CSMD1: variants seen among roughly 807,000 people sequenced by gnomAD.
CSMD1 encodes the protein CUB and sushi domain-containing protein 1.
Under a neutral mutation model 417.5 loss-of-function variants are expected in CSMD1, and 213 were observed. The ratio of observed to expected loss-of-function variants is 0.51; its 90% CI spans 0.46 to 0.57. The LOEUF (loss-of-function observed/expected upper bound fraction) is 0.57. Ranked by LOEUF, CSMD1 falls within the 20% of genes least tolerant of loss-of-function variation. The pLI is 0.00. For missense variants in CSMD1, 6,923 were observed against 4,529.7 expected (o/e 1.53, Z -15.17); for synonymous variants, 2,862 against 1,736.8 (o/e 1.65, Z -16.11).
At chr8:4,614,522 A>G (rs1486509424) in intron 2 of CSMD1, among the ~76,000 whole-genome samples, 1 of 152,200 alleles carries the variant, frequency 6.6e-6, no homozygotes, top group African/African-American at 2.4e-5. Context: ...ACTAATAAGA[A>G]TTATGTAACA....
intron 1 of CSMD1, among the ~76,000 whole-genome samples, chr8:4,915,335 G>T (rs1228953738): frequency 6.6e-6 from 1 of 152,072 alleles, no homozygotes; most frequent in Non-Finnish European, 1.5e-5. Context: ...ATGGTAAAAA[G>T]CTAACTCTTG....
intron 1 of CSMD1, among the ~76,000 whole-genome samples, chr8:4,949,780 G>A (rs1335702763): frequency 2.0e-5 from 3 of 152,246 alleles, no homozygotes; most frequent in East Asian, 1.9e-4. Context: ...AGTTTCTGTG[G>A]CATTTCCTAA....
At chr8:3,292,233 T>C (rs1434949525) in intron 25 of CSMD1, among the ~76,000 whole-genome samples, 1 of 152,124 alleles carries the variant, frequency 6.6e-6, no homozygotes, top group African/African-American at 2.4e-5. Flanking sequence ...TGCTGAGGAG[T>C]GCTTTACTTC....
intron 10 of CSMD1, among the ~76,000 whole-genome samples, chr8:3,495,892 T>G (rs1796342997): frequency 6.6e-6 from 1 of 152,116 alleles, no homozygotes; most frequent in Non-Finnish European, 1.5e-5. Flanking sequence ...ATTTCTTTTT[T>G]TACATATAAT....
chr8:4,405,888 G>T lies in CSMD1; in HGVS notation c.415+14065C>A, dbSNP rs184835221. On this transcript the variant is annotated intron_variant, in intron 3 of 69. Coordinates refer to ENST00000635120, the MANE Select transcript of CSMD1 (RefSeq NM_033225.6). ...TTTAGAAATGCATGTGGTTATTTTTGGTCAATCCTAATATTTGCTCCAAGG... is the reference window on the plus strand; with the variant it reads ...TTTAGAAATGCATGTGGTTATTTTTTGTCAATCCTAATATTTGCTCCAAGG... Among the ~76,000 whole-genome samples the T allele has an allele frequency of 6.4e-4, 98 of 152,196 alleles. 1 individual carries two copies. The highest frequency in any genetic ancestry group is 2.2e-3 in the African/African-American group (92 of 41,514).
chr8:3,491,493 T>C (rs760892724), intron 11 of CSMD1, among the ~76,000 whole-genome samples: 1 of 152,176 alleles, frequency 6.6e-6, no homozygotes, highest in Non-Finnish European at 1.5e-5. Context: ...TTATAATAAG[T>C]TGTGGTCCAG....
chr8:3,556,541 CACACACA>C (rs2116822027), intron 10 of CSMD1, among the ~76,000 whole-genome samples: 1 of 149,358 alleles, frequency 6.7e-6, no homozygotes, highest in African/African-American at 2.5e-5. Context: ...CACACACACA[CACACACA>C]CACCCTCTCT....
intron 5 of CSMD1, among the ~76,000 whole-genome samples, chr8:3,816,588 G>C (rs561878561): frequency 6.6e-6 from 1 of 152,172 alleles, no homozygotes; most frequent in East Asian, 1.9e-4. Flanking sequence ...TAGATTAGTA[G>C]GGTGACTGCA....
intron 2 of CSMD1, among the ~76,000 whole-genome samples, chr8:4,499,293 C>T (rs1026815937): frequency 6.6e-6 from 1 of 152,134 alleles, no homozygotes; most frequent in East Asian, 1.9e-4. Context: ...TAAAAGACGT[C>T]ATGAAAAACG....
chr8:3,387,178 T>A (rs1811054334), intron 18 of CSMD1, among the ~76,000 whole-genome samples: 1 of 152,192 alleles, frequency 6.6e-6, no homozygotes, highest in Admixed American at 6.5e-5. Flanking sequence ...TCCTAGGATA[T>A]GTGTGGCGAC....
rs564082613 is a variant in CSMD1, at chr8:4,123,994, A to C, written c.416-91895T>G. Among the ~76,000 whole-genome samples, 4 of 152,360 alleles carry C rather than the reference A, an allele frequency of 2.6e-5. No homozygotes were observed. The East Asian group carries it at 7.7e-4, about 29-fold the overall frequency. On this transcript the variant is annotated intron_variant, in intron 3 of 69. Transcript: ENST00000635120. Reference sequence around the variant, plus strand: ...TCTGATGTACAGGAAACAAAGAATAATTAAAATATTAATGGATTATCTAAC... The same window carrying C: ...TCTGATGTACAGGAAACAAAGAATACTTAAAATATTAATGGATTATCTAAC...
chr8:3,996,956 A>T (rs1208373215), intron 5 of CSMD1, among the ~76,000 whole-genome samples: 1 of 152,154 alleles, frequency 6.6e-6, no homozygotes, highest in African/African-American at 2.4e-5. Flanking sequence ...CTTCATACTA[A>T]AATGCAAACT....
Position 2,936,475 on chromosome 8 carries a change from C to T in CSMD1, c.*2110G>A, listed in dbSNP as rs1169385294. On this transcript the variant is annotated 3_prime_UTR_variant, in exon 70 of 70. Coordinates refer to ENST00000635120, the MANE Select transcript of CSMD1 (RefSeq NM_033225.6). ...TCACACTTTCAATCATCTTCTGTTT[C>T]GTTCAATGTGTGTGTTAGGAGCACG... 6.6e-6 allele frequency: 1 copy of T among 151,950 alleles called. No individual in the cohort carries two copies. Among genetic ancestry groups the T allele is most frequent in the Admixed American group, 6.6e-5 (1 of 15,236 alleles). The allele number at this position is 151,950 out of a possible 1,614,324, so 9.4% of individuals were successfully genotyped here. A position where few individuals can be genotyped will look rare whatever the true frequency, so the allele number is the denominator to read the frequency against.
intron 2 of CSMD1, among the ~76,000 whole-genome samples, chr8:4,456,118 G>T (rs891620920): frequency 6.8e-6 from 1 of 147,008 alleles, no homozygotes; most frequent in East Asian, 2.0e-4. Context: ...AAATAAGAAG[G>T]ACATTATGCC....
chr8:4,166,945 C>T (rs1797490967), intron 3 of CSMD1, among the ~76,000 whole-genome samples: 1 of 152,156 alleles, frequency 6.6e-6, no homozygotes, highest in Admixed American at 6.5e-5. Flanking sequence ...CAGTGGCCAC[C>T]ATGTCAGACA....
intron 49 of CSMD1, among the ~76,000 whole-genome samples, chr8:3,069,153 G>T (rs79572176): frequency 6.6e-6 from 1 of 152,078 alleles, no homozygotes; most frequent in Non-Finnish European, 1.5e-5. Flanking sequence ...GAAAGGGGCT[G>T]GGCCGGGCGC....
intron 1 of CSMD1, among the ~76,000 whole-genome samples, chr8:4,898,080 T>C (rs569784769): frequency 5.9e-5 from 9 of 152,174 alleles, no homozygotes; most frequent in South Asian, 2.1e-4. Flanking sequence ...TATTTAGAAA[T>C]GGATTATTGG....
At chr8:3,453,496 A>T (rs1815890568) in intron 12 of CSMD1, among the ~76,000 whole-genome samples, 1 of 152,036 alleles carries the variant, frequency 6.6e-6, no homozygotes, top group African/African-American at 2.4e-5. Context: ...TGTCCCAGAG[A>T]TTCTGGTATG....
chr8:3,610,907 G>T (rs1181340725), intron 8 of CSMD1, among the ~76,000 whole-genome samples: 1 of 151,992 alleles, frequency 6.6e-6, no homozygotes, highest in Non-Finnish European at 1.5e-5. Flanking sequence ...CAGAAACAAT[G>T]ATGGGAAAAA....
Sources: gnomAD v4.1 joint callset for allele counts (sites outside exome capture counted in the v4.1 genomes callset) on GRCh38, gnomAD v4.1.1 for gene constraint, MANE v1.5 for transcripts, NCBI Gene and HGNC (gene_info 2026-07-23, HGNC 2026-07-21) for gene names.